Variants in INPP4B observed in about 807,000 individuals in gnomAD.
INPP4B encodes inositol polyphosphate-4-phosphatase type II B.
A neutral mutation model predicts 122.5 loss-of-function variants in INPP4B; 55 were observed. The ratio of observed to expected loss-of-function variants is 0.45; its 90% CI spans 0.36 to 0.56. The LOEUF is 0.56. Among genes scored for constraint, INPP4B ranks in the 20% least tolerant of loss-of-function variants. The pLI is 0.00. For synonymous variants in INPP4B, 403 were observed against 388.7 expected (o/e 1.04, Z -0.43); for missense variants, 1,000 against 1,097.7 (o/e 0.91, Z 1.26).
chr4:142,809,780 A>T (rs79792724), intron 1 of INPP4B, among the ~76,000 whole-genome samples: 5,179 of 152,186 alleles, frequency 0.034, 109 homozygotes, highest in Middle Eastern at 0.092. Context: ...TCAGCAGGAC[A>T]CAGTCAAGTT....
intron 2 of INPP4B, among the ~76,000 whole-genome samples, chr4:142,691,344 T>A (rs952322925): frequency 7.9e-5 from 12 of 151,572 alleles, no homozygotes; most frequent in Admixed American, 3.3e-4. Context: ...TTTTTTTTTT[T>A]AAATTTTTGC....
intron 2 of INPP4B, among the ~76,000 whole-genome samples, chr4:142,672,872 A>G (rs1757200058): frequency 6.6e-6 from 1 of 152,098 alleles, no homozygotes; most frequent in African/African-American, 2.4e-5. Context: ...TAGATTTTCT[A>G]TTTAGGTTTA....
intron 15 of INPP4B, among the ~76,000 whole-genome samples, chr4:142,174,097 T>A (rs1005728071): frequency 6.6e-6 from 1 of 152,068 alleles, no homozygotes; most frequent in Admixed American, 6.6e-5. Flanking sequence ...CATGCACATA[T>A]ATGTAATCAT....
chr4:142,610,140 G>A (rs1328369115), intron 2 of INPP4B, among the ~76,000 whole-genome samples: 1 of 152,066 alleles, frequency 6.6e-6, no homozygotes, highest in Non-Finnish European at 1.5e-5. Flanking sequence ...ATTGAATCAG[G>A]GGGGCAGTTT....
At chr4:142,506,476 T>C (rs565771259) in intron 2 of INPP4B, among the ~76,000 whole-genome samples, 3 of 152,168 alleles carry the variant, frequency 2.0e-5, no homozygotes, top group African/African-American at 7.2e-5. Context: ...TTTCAGATCA[T>C]GCTCAAGCAG....
intron 17 of INPP4B, among the ~76,000 whole-genome samples, chr4:142,148,659 C>T: frequency 6.6e-6 from 1 of 152,172 alleles, no homozygotes; most frequent in East Asian, 1.9e-4. Context: ...TTGACATTCA[C>T]ACGTATATAT....
chr4:142,448,543 A>C (rs1260998723), intron 3 of INPP4B, among the ~76,000 whole-genome samples: 1 of 152,184 alleles, frequency 6.6e-6, no homozygotes, highest in African/African-American at 2.4e-5. Context: ...AAGAGTGTGA[A>C]TGGATAGGAT....
chr4:142,304,784 T>C (rs901397789), intron 9 of INPP4B, among the ~76,000 whole-genome samples: 1 of 152,162 alleles, frequency 6.6e-6, no homozygotes, highest in African/African-American at 2.4e-5. Flanking sequence ...TGAAAGTTAC[T>C]ATATGATTAG....
At position 142,246,269 on chromosome 4, in the gene INPP4B, T is replaced by A. The variant is rs538612538; in HGVS notation, c.689-8258A>T. Among the ~76,000 whole-genome samples the A allele has an allele frequency of 2.0e-4, 30 of 152,182 alleles. No individual in the cohort carries two copies. The East Asian group carries it at 4.5e-3, about 23-fold the overall frequency. ...TTTTTGCTTAGGATTGCCTTTGCTATATGGGCTATTTTTTCTTTTTGTTCC... is the reference window on the plus strand; with the variant it reads ...TTTTTGCTTAGGATTGCCTTTGCTAAATGGGCTATTTTTTCTTTTTGTTCC... On this transcript the variant is annotated intron_variant, in intron 11 of 25. Transcript: ENST00000262992.
At position 142,152,066 on chromosome 4, in the gene INPP4B, C is replaced by CTTTTTTTT. The variant is rs572092121; in HGVS notation, c.1564-6078_1564-6071dup. Among the ~76,000 whole-genome samples the CTTTTTTTT allele has an allele frequency of 3.9e-4, 27 of 69,952 alleles. 2 individuals carry two copies. Among genetic ancestry groups the CTTTTTTTT allele is most frequent in the African/African-American group, 1.5e-3 (27 of 18,004 alleles). The allele number at this position is 69,952 out of a possible 152,430, so 45.9% of individuals were successfully genotyped here. A position where few individuals can be genotyped will look rare whatever the true frequency, so the allele number is the denominator to read the frequency against. The stretch of plus-strand genomic sequence containing the variant: ...TGCCTAACATGCTTTTTTGTCTTTT[C>CTTTTTTTT]TTTTTTTTTTTTTTTTTTTTTTTTT... On this transcript the variant is annotated intron_variant, in intron 17 of 25. Transcript: ENST00000262992.
chr4:142,325,757 T>C (rs1772115004), intron 7 of INPP4B, among the ~76,000 whole-genome samples: 2 of 152,182 alleles, frequency 1.3e-5, no homozygotes, highest in Admixed American at 6.5e-5. Context: ...AATTTCTCTA[T>C]ATGAATGCGC....
chr4:142,473,277 C>A (rs1284575017), intron 2 of INPP4B: 1 of 152,282 alleles, frequency 6.6e-6, no homozygotes, highest in African/African-American at 2.4e-5. Context: ...ATCTGAGCAA[C>A]CACATCAGAA....
At chr4:142,602,077 C>A (rs1458491571) in intron 2 of INPP4B, among the ~76,000 whole-genome samples, 2 of 151,336 alleles carry the variant, frequency 1.3e-5, no homozygotes, top group Non-Finnish European at 2.9e-5. Context: ...ACATCTAGAG[C>A]ACCTCATTGT....
intron 2 of INPP4B, among the ~76,000 whole-genome samples, chr4:142,501,473 C>T (rs1823365897): frequency 6.6e-6 from 1 of 151,798 alleles, no homozygotes; most frequent in Non-Finnish European, 1.5e-5. Context: ...ATTATCACTG[C>T]CAGAAACAAA....
chr4:142,770,318 A>G (rs1179045662), intron 1 of INPP4B, among the ~76,000 whole-genome samples: 1 of 152,186 alleles, frequency 6.6e-6, no homozygotes, highest in Non-Finnish European at 1.5e-5. Flanking sequence ...ATTATCTAAA[A>G]TTTTATAATA....
chr4:142,429,248 TA>T, intron 4 of INPP4B, 31 bp from the exon 5 acceptor site: 1 of 1,267,400 alleles, frequency 7.9e-7, no homozygotes, highest in Non-Finnish European at 1.1e-6. Context: ...TTCAGATTTT[TA>T]AAAAATTGAA....
chr4:142,292,686 A>G (rs1166487146), intron 9 of INPP4B, among the ~76,000 whole-genome samples: 1 of 152,198 alleles, frequency 6.6e-6, no homozygotes, highest in Non-Finnish European at 1.5e-5. Context: ...TGAGGATTAG[A>G]CCATGTTTAT....
rs1392974657 is a variant in INPP4B, at chr4:142,028,932, A to G, written c.2643-18T>C. On this transcript the variant is annotated intron_variant, in intron 25 of 25. Coordinates refer to ENST00000262992, the MANE Select transcript of INPP4B (RefSeq NM_001101669.3). The stretch of plus-strand genomic sequence containing the variant: ...ATCCTTCTCTGGTGAAAGGGGAAAA[A>G]GTACAACTTCATGAAACACAGAATA... The G allele has an allele frequency of 2.5e-6, 4 of 1,603,910 alleles. No homozygotes were observed. The highest frequency in any genetic ancestry group is 3.4e-6 in the Non-Finnish European group (4 of 1,176,310).
intron 15 of INPP4B, among the ~76,000 whole-genome samples, chr4:142,180,918 T>C (rs1830494243): frequency 6.6e-6 from 1 of 152,158 alleles, no homozygotes; most frequent in South Asian, 2.1e-4. Context: ...AATTTCAGAA[T>C]TGTCTCACAG....
Sources: allele counts gnomAD v4.1 joint callset (sites outside exome capture counted in the v4.1 genomes callset), GRCh38; gene constraint gnomAD v4.1.1; transcripts MANE v1.5; gene names NCBI Gene and HGNC (gene_info 2026-07-23, HGNC 2026-07-21).